Variants in COLEC11 observed in about 807,000 individuals in gnomAD.
The protein encoded by COLEC11 is collectin-11.
Under a neutral mutation model 27.3 loss-of-function variants are expected in COLEC11, and 20 were observed. The ratio of observed to expected loss-of-function variants is 0.73; its 90% CI spans 0.51 to 1.06. The LOEUF (loss-of-function observed/expected upper bound fraction) is 1.06, where lower values mean the gene tolerates loss of function less well. COLEC11 is among the 50% of genes least tolerant of loss of function. The pLI, the probability that COLEC11 is intolerant of heterozygous loss-of-function variation, is 0.00. For synonymous variants in COLEC11, 163 were observed against 154.7 expected, an observed-to-expected ratio of 1.05 and a Z score of -0.40; for missense variants, 310 against 383.0, an observed-to-expected ratio of 0.81 and a Z score of 1.59.
In COLEC11 at chr2:3,602,358, C is replaced by T. The variant is rs1034982054; in HGVS notation, c.-26-1957C>T. On this transcript the variant is annotated intron_variant, in intron 1 of 6. Coordinates refer to ENST00000349077, the MANE Select transcript of COLEC11 (RefSeq NM_024027.5). The surrounding 1 kb of genome is among the most constrained non-coding windows in gnomAD (Gnocchi z 6.2). ...AAAGTTGAACCCGAGCCCCTGACTT[C>T]ACTTCACCTCCTCAGTTCTGTTTCT... 2.6e-5 allele frequency among the ~76,000 whole-genome samples: 4 copies of T among 152,142 alleles called. No homozygotes were observed. The highest frequency in any genetic ancestry group is 9.7e-5 in the African/African-American group (4 of 41,384).
At position 3,606,587 on chromosome 2, in the gene COLEC11, C is replaced by A. The variant is rs1402310018; in HGVS notation, c.130+2117C>A. Among the ~76,000 whole-genome samples, 3 of 152,160 alleles carry A rather than the reference C, an allele frequency of 2.0e-5. No homozygotes were observed. The East Asian group carries it at 5.8e-4, about 29-fold the overall frequency. ...AGTGGGCACACAGTGACCGGGGACC[C>A]AGCCCCTGCTCCTTGCTCTGGGACA... On this transcript the variant is annotated intron_variant, in intron 2 of 6. Coordinates refer to ENST00000349077, the MANE Select transcript of COLEC11 (RefSeq NM_024027.5).
chr2:3,615,062 C>T (rs1663547605), intron 3 of COLEC11, among the ~76,000 whole-genome samples: 1 of 151,722 alleles, frequency 6.6e-6, no homozygotes, highest in Admixed American at 6.6e-5. Flanking sequence ...AACAATGTAC[C>T]TCATATGCAC....
At chr2:3,597,529 G>A (rs748114585) in intron 1 of COLEC11, among the ~76,000 whole-genome samples, 1 of 152,226 alleles carries the variant, frequency 6.6e-6, no homozygotes, top group African/African-American at 2.4e-5. Flanking sequence ...CTTGGGAGAC[G>A]GAGCCTGATC....
At chr2:3,638,154 G>A (rs1188235935) in intron 4 of COLEC11, among the ~76,000 whole-genome samples, 3 of 152,250 alleles carry the variant, frequency 2.0e-5, no homozygotes, top group Admixed American at 2.0e-4. Flanking sequence ...TGGCTGCACG[G>A]CCGTGGTAAG....
chr2:3,616,774 G>GGGGAGA (rs1315730763), intron 3 of COLEC11, among the ~76,000 whole-genome samples: 25 of 144,658 alleles, frequency 1.7e-4, no homozygotes, highest in African/African-American at 5.8e-4. Flanking sequence ...GGGAGACCGT[G>GGGGAGA]GGGAGAGGGA....
At chr2:3,626,011 C>T (rs1664527223) in intron 3 of COLEC11, 1 of 1,612,610 alleles carries the variant, frequency 6.2e-7, no homozygotes, top group Non-Finnish European at 8.5e-7. Context: ...TTACTTTTTC[C>T]AGCAGTCACA....
intron 3 of COLEC11, among the ~76,000 whole-genome samples, chr2:3,630,714 A>G (rs1254995259): frequency 1.3e-5 from 2 of 152,212 alleles, no homozygotes; most frequent in African/African-American, 4.8e-5. Flanking sequence ...TTTTTCTGCT[A>G]AGGCTTTGGC....
At chr2:3,601,451 G>T (rs1310626670) in intron 1 of COLEC11, among the ~76,000 whole-genome samples, 1 of 152,114 alleles carries the variant, frequency 6.6e-6, no homozygotes, top group Non-Finnish European at 1.5e-5. Flanking sequence ...ACAGGTGCGT[G>T]ACACTACACC....
intron 1 of COLEC11, among the ~76,000 whole-genome samples, chr2:3,603,207 C>T (rs1437227254): frequency 6.6e-6 from 1 of 152,240 alleles, no homozygotes; most frequent in East Asian, 1.9e-4. Flanking sequence ...CTCTGCCCTT[C>T]TGGCCTGTCC....
At chr2:3,605,317 TCACGTGGGTGCCGAGGAGGG>T (rs1662569066) in intron 2 of COLEC11, among the ~76,000 whole-genome samples, 2 of 22,638 alleles carry the variant, frequency 8.8e-5, no homozygotes, top group African/African-American at 3.0e-4. Flanking sequence ...GGCGGGGGAG[TCACGTGGGTGCCGAGGAGGG>T]GGCGGGGGAG....
rs974952515 is a variant in COLEC11 at position 3,603,508 on chromosome 2, G to A, written c.-26-807G>A. ...ATTTTTGTATTTTTAGAAGACATGC[G>A]GTTTCACCATGTTGTCCAGACTGGT... On this transcript the variant is annotated intron_variant, in intron 1 of 6. Transcript: ENST00000349077. The A allele has an allele frequency of 1.1e-4, 78 of 735,978 alleles. No homozygotes were observed. The East Asian group carries it at 1.1e-3, about 10-fold the overall frequency. The allele number at this position is 735,978 out of a possible 1,614,324, so 45.6% of individuals were successfully genotyped here.
chr2:3,632,803 C>T (rs1262620498), intron 3 of COLEC11, among the ~76,000 whole-genome samples: 3 of 152,182 alleles, frequency 2.0e-5, no homozygotes, highest in Admixed American at 6.5e-5. Context: ...CCGGGACCCC[C>T]ACTGAGTCCC....
intron 2 of COLEC11, among the ~76,000 whole-genome samples, chr2:3,609,572 C>G (rs1663032216): frequency 6.6e-6 from 1 of 151,294 alleles, no homozygotes; most frequent in African/African-American, 2.4e-5. Context: ...TCTTGTTGCC[C>G]AGGCTGCAGT....
chr2:3,608,281 G>C (rs953576080), intron 2 of COLEC11, among the ~76,000 whole-genome samples: 28 of 152,202 alleles, frequency 1.8e-4, no homozygotes, highest in Admixed American at 1.8e-3. Flanking sequence ...GATGGTGGAA[G>C]TGAGCCAGCA....
chr2:3,603,502 ACATGCGGTTTCAC>A (rs1662393760), intron 1 of COLEC11: 2 of 710,390 alleles, frequency 2.8e-6, no homozygotes. Context: ...TTTTTAGAAG[ACATGCGGTTTCAC>A]CATGTTGTCC....
At chr2:3,614,319 C>T (rs1488588668) in intron 3 of COLEC11, among the ~76,000 whole-genome samples, 1 of 152,050 alleles carries the variant, frequency 6.6e-6, no homozygotes, top group Non-Finnish European at 1.5e-5. Context: ...ACCCCCCAAC[C>T]AATCTTTTAA....
At position 3,604,407 on chromosome 2, in the gene COLEC11, G is replaced by A. The variant is rs1662471107; in HGVS notation, c.67G>A (p.Gly23Arg). 4 of 1,614,088 alleles carry A rather than the reference G, an allele frequency of 2.5e-6. No individual in the cohort carries two copies. The highest frequency in any genetic ancestry group is 3.3e-5 in the Admixed American group (2 of 60,008). ...GGCCTTCCTGTCACTGCTGCCATCTGGACATCCTCAGCCGGCTGGCGATGA... is the reference window on the plus strand; with the variant it reads ...GGCCTTCCTGTCACTGCTGCCATCTAGACATCCTCAGCCGGCTGGCGATGA... Reference protein sequence around the residue: ...SLAFLSLLPSGHPQPAGDDAC... With the variant: ...SLAFLSLLPSRHPQPAGDDAC... Residue 23 changes from glycine to arginine, a missense_variant, in exon 2 of 7, where the codon GGA becomes AGA. Transcript: ENST00000349077.
intron 3 of COLEC11, among the ~76,000 whole-genome samples, chr2:3,627,037 A>G (rs542912464): frequency 3.5e-4 from 53 of 152,218 alleles, no homozygotes; most frequent in Admixed American, 2.0e-4. Context: ...GTGCTAGTGG[A>G]TAGCTTTCTA....
intron 3 of COLEC11, among the ~76,000 whole-genome samples, chr2:3,616,565 C>T (rs1332844445): frequency 1.3e-5 from 2 of 152,208 alleles, no homozygotes; most frequent in Non-Finnish European, 2.9e-5. Flanking sequence ...GAGACCAGCC[C>T]GGCCAACACA....
Sources: allele counts gnomAD v4.1 joint callset (sites outside exome capture counted in the v4.1 genomes callset), GRCh38; gene constraint gnomAD v4.1.1; non-coding constraint Gnocchi (gnomAD v3.1); transcripts MANE v1.5; gene names NCBI Gene and HGNC (gene_info 2026-07-23, HGNC 2026-07-21).